CDYL: variants seen among roughly 807,000 people sequenced by gnomAD.
CDYL encodes the protein chromodomain Y like.
CDYL carries 8 observed loss-of-function variants against 47.3 expected under a neutral mutation model. The observed-to-expected ratio is 0.17, with a 90% CI of 0.10 to 0.31. The LOEUF (loss-of-function observed/expected upper bound fraction) is 0.31, where lower values mean the gene tolerates loss of function less well. Among genes scored for constraint, CDYL ranks in the 10% least tolerant of loss-of-function variants. The probability of loss-of-function intolerance (pLI) is 1.00; values close to 1 mark genes in which losing one functional copy is unlikely to be tolerated. For synonymous variants in CDYL, 266 were observed against 265.0 expected, an observed-to-expected ratio of 1.00 and a Z score of -0.04; for missense variants, 471 against 701.4, an observed-to-expected ratio of 0.67 and a Z score of 3.71.
At position 4,717,830 on chromosome 6, in the gene CDYL, C is replaced by T. The variant is rs534814272; in HGVS notation, c.103+1949C>T. Among the ~76,000 whole-genome samples the T allele has an allele frequency of 1.5e-3, 210 of 140,910 alleles. 4 individuals carry two copies. The South Asian group carries it at 0.049, about 33-fold the overall frequency. 92.4% of individuals were successfully genotyped at this position (140,910 alleles called of 152,430 possible). ...TTTTACATTGTCTTCACAGACATCA[C>T]CCTGTTAGATTTTTTTTTTTCTTTT... On this transcript the variant is annotated intron_variant, in intron 2 of 8. Transcript: ENST00000328908.
intron 1 of CDYL, among the ~76,000 whole-genome samples, chr6:4,805,314 G>C (rs1759339800): frequency 6.6e-6 from 1 of 152,188 alleles, no homozygotes; most frequent in South Asian, 2.1e-4. Flanking sequence ...ATGCTTGGTA[G>C]AAAGAATGTT....
At chr6:4,873,771 G>A (rs968822283) in intron 1 of CDYL, among the ~76,000 whole-genome samples, 1 of 152,140 alleles carries the variant, frequency 6.6e-6, no homozygotes, top group African/African-American at 2.4e-5. Flanking sequence ...CATTCCTGTG[G>A]TGACATGTTT....
chr6:4,735,796 G>A (rs1032789525), intron 3 of CDYL, among the ~76,000 whole-genome samples: 7 of 152,054 alleles, frequency 4.6e-5, no homozygotes, highest in African/African-American at 1.4e-4. Flanking sequence ...CATATTTAAT[G>A]TATACGTGCA....
At chr6:4,809,469 G>A (rs1443910495) in intron 1 of CDYL, among the ~76,000 whole-genome samples, 2 of 152,210 alleles carry the variant, frequency 1.3e-5, no homozygotes, top group East Asian at 1.9e-4. Flanking sequence ...GGGATTGCCA[G>A]TTTTTAAGAG....
chr6:4,758,656 C>G (rs2127422116), intron 3 of CDYL, among the ~76,000 whole-genome samples: 1 of 151,852 alleles, frequency 6.6e-6, no homozygotes, highest in East Asian at 1.9e-4. Context: ...GAGAGAGACT[C>G]TGTCTCAAAA....
chr6:4,826,037 T>C (rs1175137857), intron 1 of CDYL, among the ~76,000 whole-genome samples: 1 of 152,222 alleles, frequency 6.6e-6, no homozygotes, highest in Non-Finnish European at 1.5e-5. Context: ...CTCTGGCACC[T>C]GTTAGTGGGA....
intron 1 of CDYL, among the ~76,000 whole-genome samples, chr6:4,859,056 A>G (rs1489076971): frequency 6.6e-6 from 1 of 152,188 alleles, no homozygotes; most frequent in Non-Finnish European, 1.5e-5. Context: ...AGCTAGAATC[A>G]TTTGTACACA....
At chr6:4,782,961 C>T (rs747653891) in intron 1 of CDYL, among the ~76,000 whole-genome samples, 1 of 152,156 alleles carries the variant, frequency 6.6e-6, no homozygotes, top group Non-Finnish European at 1.5e-5. Flanking sequence ...TAAAGATAGT[C>T]AGTATTTAAT....
At chr6:4,923,661 C>T (rs1757780946) in intron 2 of CDYL, among the ~76,000 whole-genome samples, 1 of 152,070 alleles carries the variant, frequency 6.6e-6, no homozygotes, top group East Asian at 1.9e-4. Context: ...AATGACTGTA[C>T]TAATTTACAT....
intron 1 of CDYL, among the ~76,000 whole-genome samples, chr6:4,877,507 T>C (rs1022611628): frequency 2.8e-4 from 42 of 152,216 alleles, no homozygotes; most frequent in African/African-American, 9.6e-4. Flanking sequence ...AACTTCTGTG[T>C]ATATCGTAGT....
At chr6:4,774,356 G>A (rs1480637012), upstream of CDYL, among the ~76,000 whole-genome samples, 1 of 152,176 alleles carries the variant, frequency 6.6e-6, no homozygotes, top group Non-Finnish European at 1.5e-5. Flanking sequence ...CCTAGTCCTT[G>A]CCTTCAAGGA....
upstream of CDYL, among the ~76,000 whole-genome samples, chr6:4,774,155 G>A (rs560388002): frequency 4.6e-5 from 7 of 152,224 alleles, no homozygotes; most frequent in East Asian, 7.7e-4. Flanking sequence ...TGGTCATGGC[G>A]AGAAGTGCTT....
intron 6 of CDYL, among the ~76,000 whole-genome samples, chr6:4,953,099 A>G (rs1179300393): frequency 1.3e-5 from 2 of 150,550 alleles, no homozygotes; most frequent in Admixed American, 6.6e-5. Flanking sequence ...AATGTGCTAA[A>G]TAGGCCGGGC....
chr6:4,929,355 C>G (rs992390740), intron 2 of CDYL, among the ~76,000 whole-genome samples: 1 of 151,984 alleles, frequency 6.6e-6, no homozygotes, highest in Admixed American at 6.6e-5. Context: ...ATGTTATCAG[C>G]AGATGATAAT....
chr6:4,868,263 TAC>T (rs1761378227), intron 1 of CDYL, among the ~76,000 whole-genome samples: 7 of 152,002 alleles, frequency 4.6e-5, no homozygotes, highest in Non-Finnish European at 8.8e-5. Context: ...CTCTAAGCAC[TAC>T]ATTGGCTACA....
intron 1 of CDYL, among the ~76,000 whole-genome samples, chr6:4,855,759 A>G (rs1178266618): frequency 6.6e-6 from 1 of 152,200 alleles, no homozygotes; most frequent in Non-Finnish European, 1.5e-5. Flanking sequence ...TGGGCAACAC[A>G]CACTGTTCTG....
intron 2 of CDYL, among the ~76,000 whole-genome samples, chr6:4,929,227 CT>C (rs902966010): frequency 3.2e-4 from 48 of 147,942 alleles, no homozygotes; most frequent in Non-Finnish European, 5.1e-4. Flanking sequence ...TATAGGTTGG[CT>C]TTTTTTTTTC....
In CDYL at chr6:4,723,409, G is replaced by C. The variant is rs986087987; in HGVS notation, c.103+7528G>C. Among the ~76,000 whole-genome samples, 3 of 152,194 alleles carry C rather than the reference G, an allele frequency of 2.0e-5. No homozygotes were observed. In the South Asian group the frequency reaches 6.2e-4, roughly 32 times the overall value. On this transcript the variant is annotated intron_variant, in intron 2 of 8. Coordinates refer to the CDYL transcript ENST00000328908. ...TCAGGGTCCAGGCAGGAGACGGACA[G>C]TACAGCCAAACTGGGCGATCTGACG...
At chr6:4,721,283 T>C (rs1038939450) in intron 2 of CDYL, among the ~76,000 whole-genome samples, 2 of 152,136 alleles carry the variant, frequency 1.3e-5, no homozygotes, top group African/African-American at 4.8e-5. Context: ...CTTAAAAAAA[T>C]TGAATGTATT....
Sources: allele counts gnomAD v4.1 joint callset (sites outside exome capture counted in the v4.1 genomes callset), GRCh38; gene constraint gnomAD v4.1.1; transcripts MANE v1.5; gene names NCBI Gene and HGNC (gene_info 2026-07-23, HGNC 2026-07-21).